The following ARHGEF18 variants were observed in gnomAD, a reference collection of about 807,000 sequenced individuals.
ARHGEF18 encodes rho guanine nucleotide exchange factor 18.
ARHGEF18 carries 93 observed loss-of-function variants against 155.7 expected under a neutral mutation model. The ratio of observed to expected loss-of-function variants is 0.60; its 90% CI spans 0.50 to 0.71. ARHGEF18 has a LOEUF of 0.71. Among genes scored for constraint, ARHGEF18 ranks in the 30% least tolerant of loss-of-function variants. ARHGEF18 has a pLI of 0.00. For missense variants in ARHGEF18, 1,593 were observed against 1,816.1 expected (o/e 0.88, Z 2.23); for synonymous variants, 742 against 753.1 (o/e 0.99, Z 0.24).
chr19:7,405,565 C>G (rs1444078852), intron 10 of ARHGEF18, among the ~76,000 whole-genome samples: 1 of 152,220 alleles, frequency 6.6e-6, no homozygotes, highest in Non-Finnish European at 1.5e-5. Flanking sequence ...CAGCCCACTT[C>G]AGGAACCTCC....
chr19:7,362,175 GGAGA>G (rs1969639953), intron 1 of ARHGEF18, among the ~76,000 whole-genome samples: 1 of 118,064 alleles, frequency 8.5e-6, no homozygotes, highest in African/African-American at 5.5e-5. Context: ...AGGAGAAGAA[GGAGA>G]AGAAGGAGAA....
rs1568371506 is a variant in ARHGEF18 at position 7,470,514 on chromosome 19, CTCT to C, written c.*218_*220del. On this transcript the variant is annotated 3_prime_UTR_variant, in exon 29 of 29. Transcript: ENST00000668164. This position sits in a 1 kb window ranked among gnomAD's most constrained non-coding sequence, Gnocchi z 5.9. ...GTGGTGCCGGGGTCACTTTCTGAAT[CTCT>C]TTTTTTTTTTTTCAAAAAGGAAAGT... 7.9e-5 allele frequency: 32 copies of C among 406,764 alleles called. No homozygotes were observed. Among genetic ancestry groups the C allele is most frequent in the South Asian group, 1.3e-4 (1 of 7,426 alleles). The allele number at this position is 406,764 out of a possible 1,614,324, so 25.2% of individuals were successfully genotyped here.
intron 10 of ARHGEF18, among the ~76,000 whole-genome samples, chr19:7,386,096 T>G (rs1971059008): frequency 1.3e-5 from 2 of 149,232 alleles, no homozygotes; most frequent in Non-Finnish European, 1.5e-5. Context: ...CATAACTCAC[T>G]GCAGCCTTGA....
intron 23 of ARHGEF18, 140 bp downstream of exon 23, chr19:7,464,830 C>A: frequency 8.1e-7 from 1 of 1,233,678 alleles, no homozygotes; most frequent in African/African-American, 1.5e-5. Context: ...ATAACAGTAT[C>A]TCAGCCCAGA....
chr19:7,389,600 C>T (rs1375592962), intron 10 of ARHGEF18, among the ~76,000 whole-genome samples: 23 of 150,312 alleles, frequency 1.5e-4, no homozygotes, highest in Middle Eastern at 6.8e-3. Flanking sequence ...GTGGCACAAT[C>T]TTGGCTCACT....
At chr19:7,461,882 G>A (rs190167901) in intron 20 of ARHGEF18, among the ~76,000 whole-genome samples, 115 of 152,240 alleles carry the variant, frequency 7.6e-4, no homozygotes, top group African/African-American at 2.7e-3. Flanking sequence ...CGAACTCCAG[G>A]CCGCAAGAGT....
chr19:7,443,392 G>T (rs1974793290), intron 13 of ARHGEF18, among the ~76,000 whole-genome samples: 1 of 151,950 alleles, frequency 6.6e-6, no homozygotes, highest in Non-Finnish European at 1.5e-5. Flanking sequence ...GTAGAGACAG[G>T]GTTTCGCTGT....
chr19:7,477,250 C>A, downstream of ARHGEF18: 1 of 1,574,024 alleles, frequency 6.4e-7, no homozygotes, highest in East Asian at 2.3e-5. Flanking sequence ...CCGCCTGGTA[C>A]ATGCTGAGGA....
At chr19:7,441,826 T>C (rs1321975216) in intron 12 of ARHGEF18, 61 bp downstream of exon 12, 3 of 1,612,168 alleles carry the variant, frequency 1.9e-6, no homozygotes, top group Middle Eastern at 1.6e-4. Flanking sequence ...TGGGAAGAGC[T>C]GGGGCTCGTG....
rs1333359204 is a variant in ARHGEF18 at position 7,456,403 on chromosome 19, G to A, written c.2181G>A (p.Val727=). 1.2e-6 allele frequency: 2 copies of A among 1,613,816 alleles called. No individual in the cohort carries two copies. The highest frequency in any genetic ancestry group is 3.3e-5 in the Admixed American group (2 of 60,008). ...EKDQKYVFAS[V]DSKPPVISLQ... ...ATCAGAAATACGTCTTTGCTTCTGT[G>A]GTATGTATCCTGTCTCTTCAGACGA... is the stretch of plus-strand genomic sequence containing the variant. Residue 727 remains valine, a splice_region_variant and synonymous_variant, in exon 18 of 29, where the codon GTG becomes GTA. Transcript: ENST00000668164.
chr19:7,419,153 G>A (rs370318820), intron 10 of ARHGEF18, among the ~76,000 whole-genome samples: 1 of 137,250 alleles, frequency 7.3e-6, no homozygotes, highest in African/African-American at 3.1e-5. Flanking sequence ...TACCCCAGAT[G>A]TACCCACCCT....
chr19:7,420,000 A>T (rs10406049), intron 10 of ARHGEF18, among the ~76,000 whole-genome samples: 2 of 146,888 alleles, frequency 1.4e-5, no homozygotes, highest in Non-Finnish European at 3.0e-5. Context: ...CTCCACACCC[A>T]CACTCGGCCC....
intron 27 of ARHGEF18, among the ~76,000 whole-genome samples, chr19:7,469,456 G>A (rs1268036501): frequency 3.3e-5 from 5 of 152,210 alleles, no homozygotes; most frequent in Non-Finnish European, 7.3e-5. Flanking sequence ...ACAGGGACAG[G>A]TGCAGGCGCC....
intron 4 of ARHGEF18, 88 bp from the exon 5 acceptor site, chr19:7,376,555 T>C: frequency 1.3e-6 from 1 of 770,634 alleles, no homozygotes; most frequent in Non-Finnish European, 1.8e-6. Flanking sequence ...GAGGTGGCCC[T>C]GGCTGTGGGT....
chr19:7,362,239 CAAG>C (rs1488548393), intron 1 of ARHGEF18, among the ~76,000 whole-genome samples: 15 of 131,126 alleles, frequency 1.1e-4, no homozygotes, highest in South Asian at 2.4e-4. Flanking sequence ...AAGAAGAAGA[CAAG>C]AAGAGGAAGA....
At chr19:7,362,985 T>G in intron 2 of ARHGEF18, 80 bp downstream of exon 2, 1 of 1,226,984 alleles carries the variant, frequency 8.2e-7, no homozygotes, top group Non-Finnish European at 1.0e-6. Flanking sequence ...ACCTGCATTT[T>G]ACCAGGCACT....
At chr19:7,445,106 T>G (rs1017646589) in intron 14 of ARHGEF18, among the ~76,000 whole-genome samples, 1 of 152,172 alleles carries the variant, frequency 6.6e-6, no homozygotes, top group Non-Finnish European at 1.5e-5. Flanking sequence ...TTTGGTTGGT[T>G]GGTTTTTGGT....
At chr19:7,362,076 G>GAC (rs1969611254) in intron 1 of ARHGEF18, among the ~76,000 whole-genome samples, 10 of 22,426 alleles carry the variant, frequency 4.5e-4, no homozygotes, top group African/African-American at 1.3e-3. Flanking sequence ...AGAAGGAGAA[G>GAC]GAGAAGGAGA....
chr19:7,479,754 G>A, the ARHGEF18 span, among the ~76,000 whole-genome samples: 4 of 152,344 alleles, frequency 2.6e-5, no homozygotes, highest in South Asian at 6.2e-4. Flanking sequence ...GGGGGGACAC[G>A]TGTCAGTGTC....
Sources: allele counts gnomAD v4.1 joint callset (sites outside exome capture counted in the v4.1 genomes callset), GRCh38; gene constraint gnomAD v4.1.1; non-coding constraint Gnocchi (gnomAD v3.1); transcripts MANE v1.5; gene names NCBI Gene and HGNC (gene_info 2026-07-23, HGNC 2026-07-21).